The following CDKAL1 variants were observed in gnomAD, a reference collection of about 807,000 sequenced individuals.
The protein encoded by CDKAL1 is threonylcarbamoyladenosine tRNA methylthiotransferase.
Under a neutral mutation model 68.2 loss-of-function variants are expected in CDKAL1, and 32 were observed. The ratio of observed to expected loss-of-function variants is 0.47; its 90% CI spans 0.35 to 0.63. The LOEUF is 0.63. CDKAL1 is among the 30% of genes least tolerant of loss of function. The probability of loss-of-function intolerance (pLI) is 0.00; values close to 1 mark genes in which losing one functional copy is unlikely to be tolerated. For missense variants in CDKAL1, 606 were observed against 696.7 expected (o/e 0.87, Z 1.47); for synonymous variants, 234 against 244.3 (o/e 0.96, Z 0.39).
chr6:21,189,425 G>A (rs1281301727), intron 13 of CDKAL1, among the ~76,000 whole-genome samples: 1 of 152,156 alleles, frequency 6.6e-6, no homozygotes, highest in Non-Finnish European at 1.5e-5. Context: ...CCCCTTTTGA[G>A]TACATTTATA....
At chr6:20,705,352 G>A (rs1771547490) in intron 5 of CDKAL1, among the ~76,000 whole-genome samples, 1 of 152,048 alleles carries the variant, frequency 6.6e-6, no homozygotes, top group Non-Finnish European at 1.5e-5. Flanking sequence ...TCATTTTAAA[G>A]CAAGTATCAA....
At position 21,128,362 on chromosome 6, in the gene CDKAL1, A is replaced by G. The variant is rs538205023; in HGVS notation, c.1299+19899A>G. ...GCATTTTCAACTTAAAATATTTTCA[A>G]CTTATGAATGGGTTTGTCAGGATGT... is the stretch of plus-strand genomic sequence containing the variant. On this transcript the variant is annotated intron_variant, in intron 13 of 15. Coordinates refer to ENST00000274695, the MANE Select transcript of CDKAL1 (RefSeq NM_017774.3). 5.6e-4 allele frequency among the ~76,000 whole-genome samples: 86 copies of G among 152,302 alleles called. 1 individual carries two copies. The South Asian group carries it at 0.015, about 26-fold the overall frequency.
At position 21,186,828 on chromosome 6, in the gene CDKAL1, A is replaced by T. The variant is rs570297613; in HGVS notation, c.1300-11193A>T. Reference sequence around the variant, plus strand: ...AACAGTGAAATGGTAGATTTCCGTTAAATTTTTAAAAACAACATCATAATG... The same window carrying T: ...AACAGTGAAATGGTAGATTTCCGTTTAATTTTTAAAAACAACATCATAATG... On this transcript the variant is annotated intron_variant, in intron 13 of 15. Coordinates refer to ENST00000274695, the MANE Select transcript of CDKAL1 (RefSeq NM_017774.3). 3.9e-5 allele frequency among the ~76,000 whole-genome samples: 6 copies of T among 152,286 alleles called. No individual in the cohort carries two copies. The South Asian group carries it at 1.2e-3, about 32-fold the overall frequency.
intron 13 of CDKAL1, among the ~76,000 whole-genome samples, chr6:21,185,423 C>T (rs999301242): frequency 1.3e-5 from 2 of 152,116 alleles, no homozygotes; most frequent in African/African-American, 4.8e-5. Flanking sequence ...TGTTAGTAAT[C>T]ACCCTGGAAG....
intron 10 of CDKAL1, among the ~76,000 whole-genome samples, chr6:20,994,470 TGAAAA>T (rs1476579911): frequency 1.3e-5 from 2 of 151,956 alleles, no homozygotes; most frequent in South Asian, 4.1e-4. Flanking sequence ...CAGAGTGAGA[TGAAAA>T]GAAAAAAGAA....
intron 9 of CDKAL1, among the ~76,000 whole-genome samples, chr6:20,916,902 G>T (rs535262365): frequency 6.9e-6 from 1 of 144,188 alleles, no homozygotes; most frequent in South Asian, 2.3e-4. Flanking sequence ...AAGATCGGGC[G>T]CAGTGGCTTG....
intron 13 of CDKAL1, among the ~76,000 whole-genome samples, chr6:21,120,851 T>C (rs1774675080): frequency 6.6e-6 from 1 of 152,202 alleles, no homozygotes; most frequent in South Asian, 2.1e-4. Context: ...AACTAGACTC[T>C]TACTGGTGGA....
intron 7 of CDKAL1, among the ~76,000 whole-genome samples, chr6:20,762,086 A>C (rs190178051): frequency 1.3e-5 from 2 of 152,314 alleles, no homozygotes; most frequent in Non-Finnish European, 2.9e-5. Context: ...TCTAAAAAAT[A>C]AAATCTATTT....
chr6:20,871,140 CATG>C (rs1445834117), intron 9 of CDKAL1, among the ~76,000 whole-genome samples: 2 of 152,136 alleles, frequency 1.3e-5, no homozygotes, highest in African/African-American at 4.8e-5. Flanking sequence ...GATCCCTTCT[CATG>C]ATGATATTTT....
At chr6:20,650,013 T>G (rs901260344) in intron 5 of CDKAL1, among the ~76,000 whole-genome samples, 1 of 152,248 alleles carries the variant, frequency 6.6e-6, no homozygotes, top group Admixed American at 6.5e-5. Context: ...TGAATAGTGC[T>G]GCAATGAACA....
chr6:21,114,972 A>G (rs1460386547), intron 13 of CDKAL1, among the ~76,000 whole-genome samples: 3 of 152,190 alleles, frequency 2.0e-5, no homozygotes, highest in Non-Finnish European at 4.4e-5. Context: ...GTAAAATATT[A>G]TATAATAAAA....
intron 11 of CDKAL1, among the ~76,000 whole-genome samples, chr6:21,011,932 A>G (rs1768046537): frequency 6.6e-6 from 1 of 152,224 alleles, no homozygotes; most frequent in Admixed American, 6.5e-5. Flanking sequence ...AGTGACAGAA[A>G]AAATATGGCA....
At chr6:20,852,591 C>T (rs944186551) in intron 9 of CDKAL1, among the ~76,000 whole-genome samples, 7 of 152,152 alleles carry the variant, frequency 4.6e-5, no homozygotes, top group African/African-American at 1.7e-4. Context: ...GCCTAAATAG[C>T]TATTTATCAG....
intron 11 of CDKAL1, among the ~76,000 whole-genome samples, chr6:21,026,926 C>T (rs962110121): frequency 2.0e-5 from 3 of 152,130 alleles, no homozygotes; most frequent in Non-Finnish European, 2.9e-5. Context: ...CTTGTATTCT[C>T]TCTTCTTCTT....
At chr6:20,757,682 A>C (rs1774282324) in intron 6 of CDKAL1, among the ~76,000 whole-genome samples, 1 of 152,162 alleles carries the variant, frequency 6.6e-6, no homozygotes, top group Non-Finnish European at 1.5e-5. Flanking sequence ...TAGTGGTTTC[A>C]TCTGAGGAGT....
chr6:20,914,767 C>T (rs978415459), intron 9 of CDKAL1, among the ~76,000 whole-genome samples: 1 of 152,206 alleles, frequency 6.6e-6, no homozygotes, highest in South Asian at 2.1e-4. Context: ...ATAGCCTCCC[C>T]TAAGAAGCTC....
chr6:20,811,955 C>A (rs1021447108), intron 8 of CDKAL1, among the ~76,000 whole-genome samples: 3 of 152,090 alleles, frequency 2.0e-5, no homozygotes, highest in African/African-American at 7.2e-5. Flanking sequence ...ATCCTTAGAT[C>A]CCTGGTCATA....
chr6:21,078,934 A>G (rs1358608489), intron 12 of CDKAL1, among the ~76,000 whole-genome samples: 6 of 152,202 alleles, frequency 3.9e-5, no homozygotes. Context: ...CACCTAGCAC[A>G]ATACCTGGCA....
At chr6:21,172,330 C>T (rs573040468) in intron 13 of CDKAL1, among the ~76,000 whole-genome samples, 1 of 152,250 alleles carries the variant, frequency 6.6e-6, no homozygotes, top group Admixed American at 6.5e-5. Context: ...CTTCCACGCC[C>T]CGTGGTCAGG....
Sources: gnomAD v4.1 joint callset for allele counts (sites outside exome capture counted in the v4.1 genomes callset) on GRCh38, gnomAD v4.1.1 for gene constraint, MANE v1.5 for transcripts, NCBI Gene and HGNC (gene_info 2026-07-23, HGNC 2026-07-21) for gene names.